Variants in CADM2 observed in about 807,000 individuals in gnomAD.
The protein encoded by CADM2 is immunoglobulin superfamily member 4D.
A neutral mutation model predicts 49.8 loss-of-function variants in CADM2; 12 were observed. That is an observed-to-expected ratio of 0.24 (90% CI 0.15 to 0.39). The LOEUF (loss-of-function observed/expected upper bound fraction) is 0.39, where lower values mean the gene tolerates loss of function less well. Ranked by LOEUF, CADM2 falls within the 10% of genes least tolerant of loss-of-function variation. The pLI, the probability that CADM2 is intolerant of heterozygous loss-of-function variation, is 1.00. For synonymous variants in CADM2, 214 were observed against 175.4 expected, an observed-to-expected ratio of 1.22 and a Z score of -1.74; for missense variants, 378 against 492.3, an observed-to-expected ratio of 0.77 and a Z score of 2.20.
chr3:85,219,662 T>C (rs532536732), intron 1 of CADM2, among the ~76,000 whole-genome samples: 72 of 152,088 alleles, frequency 4.7e-4, no homozygotes, highest in Non-Finnish European at 2.6e-4. Context: ...ATTGGTTATA[T>C]GCTACATGGT....
At chr3:85,966,769 C>T (rs948274290) in intron 8 of CADM2, among the ~76,000 whole-genome samples, 1 of 151,472 alleles carries the variant, frequency 6.6e-6, no homozygotes, top group African/African-American at 2.4e-5. Flanking sequence ...TTGACTGTTA[C>T]GGTTTGTTTT....
chr3:85,534,711 T>C (rs2061389417), intron 1 of CADM2, among the ~76,000 whole-genome samples: 2 of 152,222 alleles, frequency 1.3e-5, no homozygotes, highest in Admixed American at 1.3e-4. Flanking sequence ...TTAAGGGCTA[T>C]TAAGGTGAAT....
In CADM2 at chr3:85,198,006, C is replaced by T. The variant is rs187861299; in HGVS notation, c.61+238338C>T. Among the ~76,000 whole-genome samples, 306 of 151,982 alleles carry T rather than the reference C, an allele frequency of 2.0e-3. 1 individual carries two copies. The highest frequency in any genetic ancestry group is 3.0e-3 in the Non-Finnish European group (206 of 67,832). On this transcript the variant is annotated intron_variant, in intron 1 of 9. Transcript: ENST00000383699. ...ACTGCTTACTTCGGTTAATATTTCACTGATATCCTAGCTTGCCCTATTTAG... is the reference window on the plus strand; with the variant it reads ...ACTGCTTACTTCGGTTAATATTTCATTGATATCCTAGCTTGCCCTATTTAG...
At chr3:85,477,414 C>T (rs1489513923) in intron 1 of CADM2, among the ~76,000 whole-genome samples, 1 of 151,612 alleles carries the variant, frequency 6.6e-6, no homozygotes, top group Non-Finnish European at 1.5e-5. Context: ...TAAAATTCTT[C>T]GAAGTAGAAC....
At chr3:85,002,845 G>T (rs73139656) in intron 1 of CADM2, among the ~76,000 whole-genome samples, 5,667 of 152,090 alleles carry the variant, frequency 0.037, 166 homozygotes, top group Admixed American at 0.081. Context: ...GAGTGCTATG[G>T]TGTGATCACA....
chr3:85,377,660 T>C (rs2033671029), intron 1 of CADM2, among the ~76,000 whole-genome samples: 1 of 152,086 alleles, frequency 6.6e-6, no homozygotes, highest in Non-Finnish European at 1.5e-5. Context: ...TGCATTAGGG[T>C]GTGACCTTTA....
At chr3:85,908,256 T>C (rs1458050168) in intron 5 of CADM2, among the ~76,000 whole-genome samples, 1 of 95,784 alleles carries the variant, frequency 1.0e-5, no homozygotes, top group Non-Finnish European at 2.0e-5. Flanking sequence ...TTTTTCTTCT[T>C]TTTTTTTTTT....
At chr3:85,085,422 TTA>T (rs1167227397) in intron 1 of CADM2, among the ~76,000 whole-genome samples, 1 of 151,814 alleles carries the variant, frequency 6.6e-6, no homozygotes, top group Non-Finnish European at 1.5e-5. Context: ...TAGTATTCAA[TTA>T]TATATATATG....
At chr3:85,635,510 G>T (rs1255533464) in intron 1 of CADM2, among the ~76,000 whole-genome samples, 1 of 152,062 alleles carries the variant, frequency 6.6e-6, no homozygotes, top group Non-Finnish European at 1.5e-5. Flanking sequence ...TTAAGGAAGT[G>T]TTTTCTTTAA....
At position 85,790,665 on chromosome 3, in the gene CADM2, G is replaced by A. The variant is rs148423147; in HGVS notation, c.89-11382G>A. Among the ~76,000 whole-genome samples, 80 of 152,270 alleles carry A rather than the reference G, an allele frequency of 5.3e-4. 1 individual carries two copies. The East Asian group carries it at 0.014, about 28-fold the overall frequency. The stretch of plus-strand genomic sequence containing the variant: ...GCTGCTCACAATGGCCATAGTGAAC[G>A]CTAGGATTCGGTCTACGGGATTGTA... On this transcript the variant is annotated intron_variant, in intron 2 of 9. Coordinates refer to ENST00000383699, the MANE Select transcript of CADM2 (RefSeq NM_001167675.2).
At chr3:85,916,566 T>G (rs1406010078) in intron 6 of CADM2, among the ~76,000 whole-genome samples, 1 of 152,058 alleles carries the variant, frequency 6.6e-6, no homozygotes, top group Non-Finnish European at 1.5e-5. Context: ...TAATCCAGTC[T>G]ATCATTGTTG....
intron 1 of CADM2, among the ~76,000 whole-genome samples, chr3:85,594,015 A>G (rs909465467): frequency 6.6e-6 from 1 of 152,000 alleles, no homozygotes; most frequent in Non-Finnish European, 1.5e-5. Flanking sequence ...AGCAGATTAT[A>G]GTTAAATATC....
chr3:85,770,739 T>C (rs1276566976), intron 2 of CADM2, among the ~76,000 whole-genome samples: 1 of 152,104 alleles, frequency 6.6e-6, no homozygotes, highest in Non-Finnish European at 1.5e-5. Flanking sequence ...GGCACTGTAA[T>C]TGTCTGGGCT....
At chr3:85,687,257 A>C (rs114206645) in intron 1 of CADM2, among the ~76,000 whole-genome samples, 217 of 152,346 alleles carry the variant, frequency 1.4e-3, no homozygotes, top group African/African-American at 4.9e-3. Flanking sequence ...AATTGACAGG[A>C]ACATTCAAAA....
At chr3:85,521,082 T>C (rs909198084) in intron 1 of CADM2, among the ~76,000 whole-genome samples, 1 of 152,102 alleles carries the variant, frequency 6.6e-6, no homozygotes, top group African/African-American at 2.4e-5. Context: ...GTGATCTACT[T>C]TTCTTAATTC....
At position 85,750,758 on chromosome 3, in the gene CADM2, AT is replaced by A. The variant is rs200465380; in HGVS notation, c.88+24219del. ...GCACTAAGATAAAAAGAATTAGAGCATTTTTTTTTATTGACTAGTTTCCTAA... is the reference window on the plus strand; with the variant it reads ...GCACTAAGATAAAAAGAATTAGAGCATTTTTTTTATTGACTAGTTTCCTAA... On this transcript the variant is annotated intron_variant, in intron 2 of 9. Coordinates refer to ENST00000383699, the MANE Select transcript of CADM2 (RefSeq NM_001167675.2). 1.5e-4 allele frequency among the ~76,000 whole-genome samples: 22 copies of A among 150,346 alleles called. No individual in the cohort carries two copies. The East Asian group carries it at 1.6e-3, about 11-fold the overall frequency.
chr3:85,194,932 T>C (rs2107732677), intron 1 of CADM2, among the ~76,000 whole-genome samples: 2 of 152,160 alleles, frequency 1.3e-5, no homozygotes, highest in South Asian at 4.1e-4. Context: ...AAAAATGAAC[T>C]CCTGGGCTAA....
At chr3:85,241,616 A>G (rs866545359) in intron 1 of CADM2, among the ~76,000 whole-genome samples, 2 of 151,758 alleles carry the variant, frequency 1.3e-5, no homozygotes, top group South Asian at 4.1e-4. Flanking sequence ...CATAATAGGT[A>G]AAATGATTTA....
intron 1 of CADM2, among the ~76,000 whole-genome samples, chr3:85,383,710 T>A: frequency 6.7e-6 from 1 of 150,228 alleles, no homozygotes; most frequent in Non-Finnish European, 1.5e-5. Context: ...ATTTATACAA[T>A]ATATTTAAAC....
Sources: gnomAD v4.1 joint callset for allele counts (sites outside exome capture counted in the v4.1 genomes callset) on GRCh38, gnomAD v4.1.1 for gene constraint, MANE v1.5 for transcripts, NCBI Gene and HGNC (gene_info 2026-07-23, HGNC 2026-07-21) for gene names.